VPS13A: variants seen among roughly 807,000 people sequenced by gnomAD.
The protein encoded by VPS13A is intermembrane lipid transfer protein VPS13A.
VPS13A carries 264 observed loss-of-function variants against 390.9 expected under a neutral mutation model. The ratio of observed to expected loss-of-function variants is 0.68; its 90% CI spans 0.61 to 0.75. The LOEUF is 0.75. Ranked by LOEUF, VPS13A falls within the 30% of genes least tolerant of loss-of-function variation. The pLI, the probability that VPS13A is intolerant of heterozygous loss-of-function variation, is 0.00. For missense variants in VPS13A, 3,409 were observed against 3,733.9 expected (o/e 0.91, Z 2.27); for synonymous variants, 1,231 against 1,227.1 (o/e 1.00, Z -0.07).
intron 1 of VPS13A, among the ~76,000 whole-genome samples, chr9:77,183,413 C>T (rs1214784836): frequency 6.6e-6 from 1 of 152,094 alleles, no homozygotes; most frequent in Admixed American, 6.5e-5. Flanking sequence ...CAGGTTTTTG[C>T]TGATTTGCTT....
chr9:77,252,563 T>C (rs980224121), intron 22 of VPS13A, among the ~76,000 whole-genome samples: 12 of 152,186 alleles, frequency 7.9e-5, no homozygotes, highest in Admixed American at 3.3e-4. Context: ...CATGTTGTTA[T>C]GCAACCATCA....
Position 77,356,842 on chromosome 9 carries a change from T to G in VPS13A, c.7781T>G (p.Val2594Gly). 6.2e-7 allele frequency: 1 copy of G among 1,613,912 alleles called. No homozygotes were observed. The highest frequency in any genetic ancestry group is 8.5e-7 in the Non-Finnish European group (1 of 1,179,944). Residue 2594 changes from valine to glycine, a missense_variant, in exon 55 of 72, where the codon GTT becomes GGT. By Grantham distance (109) the Val-to-Gly change is moderately radical. Transcript: ENST00000360280. ...YTESSPSEDK[V>G]IQLDTNVPVR... Reference sequence around the variant, plus strand: ...GAATCTTCTCCTTCAGAAGATAAGGTTATTCAGTTGGACACTAATGTTCCG... The same window carrying G: ...GAATCTTCTCCTTCAGAAGATAAGGGTATTCAGTTGGACACTAATGTTCCG...
At position 77,365,205 on chromosome 9, in the gene VPS13A, A is replaced by G. The variant is rs572980970; in HGVS notation, c.8212-255A>G. On this transcript the variant is annotated intron_variant, in intron 59 of 71. Coordinates refer to ENST00000360280, the MANE Select transcript of VPS13A (RefSeq NM_033305.3). Reference sequence around the variant, plus strand: ...TGGATTAATGTCATTTTGGGATAAGATTTATAGTCACATGGAGAAAAGCTT... The same window carrying G: ...TGGATTAATGTCATTTTGGGATAAGGTTTATAGTCACATGGAGAAAAGCTT... 1.8e-4 allele frequency among the ~76,000 whole-genome samples: 28 copies of G among 152,312 alleles called. No individual in the cohort carries two copies. The South Asian group carries it at 5.8e-3, about 32-fold the overall frequency.
chr9:77,199,143 T>C (rs1428027609), intron 1 of VPS13A, among the ~76,000 whole-genome samples: 1 of 152,198 alleles, frequency 6.6e-6, no homozygotes, highest in Non-Finnish European at 1.5e-5. Flanking sequence ...TTCCTTTGGT[T>C]TAGTTAATTT....
At chr9:77,306,414 T>TTTTGTG (rs1554885537) in intron 34 of VPS13A, among the ~76,000 whole-genome samples, 1 of 140,782 alleles carries the variant, frequency 7.1e-6, no homozygotes, top group Non-Finnish European at 1.5e-5. Context: ...GTGTGTGTGT[T>TTTTGTG]TGTGTGTGTG....
chr9:77,414,065 T>C (rs1357688106), intron 71 of VPS13A, among the ~76,000 whole-genome samples: 5 of 152,080 alleles, frequency 3.3e-5, no homozygotes, highest in South Asian at 2.1e-4. Context: ...GTTAGAATGG[T>C]GATCATTAAA....
At chr9:77,320,681 C>T (rs972420013) in intron 42 of VPS13A, among the ~76,000 whole-genome samples, 5 of 152,116 alleles carry the variant, frequency 3.3e-5, no homozygotes, top group African/African-American at 1.2e-4. Context: ...GGTTAGAATA[C>T]ACATGGTCAG....
rs562486464 is a variant in VPS13A, at chr9:77,315,479, T to C, written c.4630+9T>C. ...GACTGCTAAGGAAGAAGGTTAGTTA[T>C]TGGCTAAAATATTTAATATTTGTTT... On this transcript the variant is annotated intron_variant, in intron 38 of 71. Transcript: ENST00000360280. 2 of 1,612,138 alleles carry C rather than the reference T, an allele frequency of 1.2e-6. No homozygotes were observed. The highest frequency in any genetic ancestry group is 2.2e-5 in the South Asian group (2 of 91,004).
chr9:77,408,807 C>A (rs1295291907), intron 71 of VPS13A, among the ~76,000 whole-genome samples: 1 of 152,350 alleles, frequency 6.6e-6, no homozygotes, highest in South Asian at 2.1e-4. Context: ...GAAGCTCGAA[C>A]TGGGTGGAGC....
intron 32 of VPS13A, 72 bp from the exon 33 acceptor site, chr9:77,295,470 A>G (rs1361053125): frequency 1.6e-6 from 2 of 1,288,800 alleles, no homozygotes; most frequent in Admixed American, 2.9e-5. Flanking sequence ...AGGTAAAACC[A>G]TAAATATCAA....
At chr9:77,293,655 A>C in intron 32 of VPS13A, 147 bp downstream of exon 32, 1 of 401,562 alleles carries the variant, frequency 2.5e-6, no homozygotes, top group Middle Eastern at 7.1e-4. Context: ...TACATAATAA[A>C]TGTGTAGTTC....
intron 67 of VPS13A, among the ~76,000 whole-genome samples, chr9:77,381,436 G>A (rs968291297): frequency 8.5e-5 from 13 of 152,050 alleles, no homozygotes; most frequent in Non-Finnish European, 1.9e-4. Flanking sequence ...ATAGATTAAG[G>A]AAAATATACC....
intron 17 of VPS13A, 110 bp downstream of exon 17, chr9:77,228,374 C>A (rs1395881904): frequency 6.4e-6 from 7 of 1,087,578 alleles, no homozygotes; most frequent in African/African-American, 3.2e-5. Context: ...TTTCATATAT[C>A]CTTTTGTGGT....
chr9:77,373,261 G>C (rs201339557), intron 67 of VPS13A, among the ~76,000 whole-genome samples: 65,642 of 141,556 alleles, frequency 0.46, 16,093 homozygotes, highest in South Asian at 0.57. Flanking sequence ...GTAACCAAAA[G>C]AGCATGGTAC....
intron 61 of VPS13A, among the ~76,000 whole-genome samples, chr9:77,367,280 T>C (rs979131847): frequency 2.6e-5 from 4 of 152,226 alleles, no homozygotes; most frequent in Middle Eastern, 6.8e-3. Flanking sequence ...AGGATCAACT[T>C]TAAGTGTTGT....
chr9:77,206,917 T>G (rs949568014), intron 5 of VPS13A, among the ~76,000 whole-genome samples: 35 of 151,994 alleles, frequency 2.3e-4, no homozygotes, highest in Non-Finnish European at 4.4e-4. Flanking sequence ...TAATAGAGAT[T>G]TAACATGTAA....
At chr9:77,372,778 T>G (rs1421767192) in intron 67 of VPS13A, among the ~76,000 whole-genome samples, 1 of 152,210 alleles carries the variant, frequency 6.6e-6, no homozygotes, top group Non-Finnish European at 1.5e-5. Flanking sequence ...AGAAGCAACT[T>G]CAGCAAAGTC....
Position 77,220,377 on chromosome 9 carries a change from G to A in VPS13A, c.983G>A (p.Arg328Lys). 1 of 1,600,950 alleles carries A rather than the reference G, an allele frequency of 6.2e-7. No individual in the cohort carries two copies. The highest frequency in any genetic ancestry group is 8.5e-7 in the Non-Finnish European group (1 of 1,171,520). ...KPDVPLHHHA[R>K]EWWAYAIHGV... ...GATGTGCCTCTTCACCACCATGCCA[G>A]AGAATGGTAAATGCCTTGATTTTTT... Residue 328 changes from arginine to lysine, a missense_variant, in exon 12 of 72, where the codon AGA becomes AAA. By Grantham distance (26) the Arg-to-Lys change is conservative. Coordinates refer to ENST00000360280, the MANE Select transcript of VPS13A (RefSeq NM_033305.3).
At chr9:77,242,375 A>T (rs1417534420) in intron 19 of VPS13A, among the ~76,000 whole-genome samples, 2 of 152,100 alleles carry the variant, frequency 1.3e-5, no homozygotes, top group African/African-American at 4.8e-5. Context: ...ATCTTGATTC[A>T]TTATTAATTT....
Sources: gnomAD v4.1 joint callset for allele counts (sites outside exome capture counted in the v4.1 genomes callset) on GRCh38, gnomAD v4.1.1 for gene constraint, MANE v1.5 for transcripts, NCBI Gene and HGNC (gene_info 2026-07-23, HGNC 2026-07-21) for gene names.